Variants in PER3 observed in about 807,000 individuals in gnomAD.
PER3 encodes the protein period circadian protein homolog 3.
A neutral mutation model predicts 127.2 loss-of-function variants in PER3; 107 were observed. The ratio of observed to expected loss-of-function variants is 0.84; its 90% CI spans 0.72 to 0.99. The LOEUF (loss-of-function observed/expected upper bound fraction) is 0.99, where lower values mean the gene tolerates loss of function less well. Among genes scored for constraint, PER3 ranks in the 50% least tolerant of loss-of-function variants. The probability of loss-of-function intolerance (pLI) is 0.00; values close to 1 mark genes in which losing one functional copy is unlikely to be tolerated. For synonymous variants in PER3, 618 were observed against 585.8 expected (o/e 1.05, Z -0.79); for missense variants, 1,560 against 1,525.8 (o/e 1.02, Z -0.37).
chr1:7,829,952 GAT>G lies in PER3; in HGVS notation c.3006_3007del (p.Ser1003AlafsTer79). ...CCTACTGCCAGCGCTCTGTCCACAG[GAT>G]CGCCTCCCATGAAGAATCCATCCCA... On this transcript the variant is annotated frameshift_variant, in exon 19 of 22. Transcript: ENST00000377532. LOFTEE classifies it high-confidence loss of function. 7 of 1,232,622 alleles carry G rather than the reference GAT, an allele frequency of 5.7e-6. No homozygotes were observed. The highest frequency in any genetic ancestry group is 2.5e-5 in the Admixed American group (1 of 40,430). The allele number at this position is 1,232,622 out of a possible 1,614,324, so 76.4% of individuals were successfully genotyped here. A position where few individuals can be genotyped will look rare whatever the true frequency, so the allele number is the denominator to read the frequency against.
At chr1:7,823,027 C>A (rs2097284592) in intron 16 of PER3, among the ~76,000 whole-genome samples, 1 of 152,166 alleles carries the variant, frequency 6.6e-6, no homozygotes, top group Admixed American at 6.5e-5. Flanking sequence ...GAGTTCTGAT[C>A]ACATTACTGT....
intron 19 of PER3, among the ~76,000 whole-genome samples, chr1:7,830,717 T>A (rs2097327713): frequency 6.6e-6 from 1 of 152,208 alleles, no homozygotes; most frequent in Non-Finnish European, 1.5e-5. Context: ...TCCTGCCGTT[T>A]GTTCAAAGGA....
chr1:7,811,999 A>C (rs1354927340), intron 13 of PER3, among the ~76,000 whole-genome samples: 1 of 152,180 alleles, frequency 6.6e-6, no homozygotes, highest in Non-Finnish European at 1.5e-5. Context: ...ATTTATCTTA[A>C]ATACAATTTT....
In PER3 at chr1:7,810,538, C is replaced by G; in HGVS notation, c.1472C>G (p.Thr491Arg). 6.2e-7 allele frequency: 1 copy of G among 1,613,662 alleles called. No individual in the cohort carries two copies. ...ACCAAATCATCATTCAAGCCAGTGA[C>G]GGGGACACGCACAGAACCGAATGGT... ...SMTKSSFKPV[T>R]GTRTEPNGGG... Residue 491 changes from threonine to arginine, a missense_variant, in exon 13 of 22, where the codon ACG (threonine) becomes AGG (arginine). Physicochemically the swap from Thr to Arg is moderately conservative, Grantham distance 71. This residue lies in a region of PER3 where 1,332 missense variants were observed against 1,223.6 expected (regional missense o/e 1.09). Transcript: ENST00000377532.
intron 13 of PER3, among the ~76,000 whole-genome samples, chr1:7,815,830 A>C (rs2097246623): frequency 9.1e-6 from 1 of 110,036 alleles, no homozygotes; most frequent in Middle Eastern, 5.5e-3. Context: ...CTAAAAATAC[A>C]AAAAAAAAAA....
At chr1:7,830,302 T>C (rs187638138) in intron 19 of PER3, 141 bp downstream of exon 19, 1 of 689,918 alleles carries the variant, frequency 1.4e-6, no homozygotes, top group East Asian at 2.7e-5. Flanking sequence ...TTGTCAGGTA[T>C]ATTGGGGTAT....
chr1:7,798,680 C>G lies in PER3; in HGVS notation c.793+7C>G. On this transcript the variant is annotated splice_region_variant and intron_variant, in intron 7 of 21. Transcript: ENST00000377532. ...ATTCACTCTGGTTATGAAGGTAAGT[C>G]AGTAGATAAGATGCAGAAATGTCAG... 1 of 1,609,886 alleles carries G rather than the reference C, an allele frequency of 6.2e-7. No homozygotes were observed.
At chr1:7,825,225 C>T (rs977502582) in intron 16 of PER3, among the ~76,000 whole-genome samples, 3 of 151,888 alleles carry the variant, frequency 2.0e-5, no homozygotes, top group African/African-American at 7.3e-5. Flanking sequence ...TTGGGGGAGC[C>T]CTCTACAGTG....
In PER3 at chr1:7,830,167, G is replaced by A. The variant is rs777250816; in HGVS notation, c.3214+6G>A. On this transcript the variant is annotated splice_donor_region_variant and intron_variant, in intron 19 of 21. Coordinates refer to ENST00000377532, the MANE Select transcript of PER3 (RefSeq NM_001377275.1). ...AACTGGTTCAGCAGCATCAGGTAGT[G>A]GATCAGGACAACTAATGTTTCAAAC... The A allele has an allele frequency of 3.1e-6, 5 of 1,610,476 alleles. No homozygotes were observed. The highest frequency in any genetic ancestry group is 3.3e-5 in the Admixed American group (2 of 59,972).
intron 12 of PER3, 38 bp from the exon 13 acceptor site, chr1:7,810,400 T>A (rs1449426826): frequency 6.8e-7 from 1 of 1,469,118 alleles, no homozygotes; most frequent in South Asian, 1.3e-5. Flanking sequence ...GACATTTTTA[T>A]AATTTTTGAA....
In PER3 at chr1:7,827,637, C is replaced by T. The variant is rs376309319; in HGVS notation, c.2708C>T (p.Pro903Leu). ...ATGAGTCCAACTCTGGACCCACCCC[C>T]TTCAGTCACCAGCCAAAGGAGAGAG... ...SAMSPTLDPP[P>L]SVTSQRREEE... is the part of the protein sequence containing the mutation. Residue 903 changes from proline (P) to leucine (L), a missense_variant, in exon 18 of 22, where the codon CCT becomes CTT. Around this residue, in one of 3 missense-constraint regions of PER3, gnomAD observed 1,332 missense variants for 1,223.6 expected, o/e 1.09. Coordinates refer to ENST00000377532, the MANE Select transcript of PER3 (RefSeq NM_001377275.1). 6.2e-7 allele frequency: 1 copy of T among 1,614,126 alleles called. No individual in the cohort carries two copies. The highest frequency in any genetic ancestry group is 2.2e-5 in the East Asian group (1 of 44,896).
rs35899625 is a variant in PER3, at chr1:7,827,439, T to G, written c.2510T>G (p.Leu837Trp). 761 of 1,614,188 alleles carry G rather than the reference T, an allele frequency of 4.7e-4. 2 individuals are homozygous for G. In the African/African-American group the frequency reaches 9.1e-3, roughly 19 times the overall value. ...TAPEGLHGLP[L>W]SEGLQPYPAF... ...CCGGAAGGCCTGCATGGGCTGCCCT[T>G]GTCCGAGGGCTTGCAGCCTTACCCA... Residue 837 changes from leucine (L) to tryptophan (W), a missense_variant, in exon 18 of 22, where the codon TTG (leucine) becomes TGG (tryptophan). Around this residue, in one of 3 missense-constraint regions of PER3, gnomAD observed 1,332 missense variants for 1,223.6 expected, o/e 1.09. Transcript: ENST00000377532.
chr1:7,825,684 G>C (rs574199545), intron 16 of PER3, among the ~76,000 whole-genome samples: 2 of 152,308 alleles, frequency 1.3e-5, no homozygotes, highest in Admixed American at 1.3e-4. Flanking sequence ...CTGAGGTCAA[G>C]AGTTTGAGAC....
In PER3 at chr1:7,844,175, C is replaced by T. The variant is rs144168650; in HGVS notation, c.*1420C>T. The T allele has an allele frequency of 1.4e-3, 291 of 203,926 alleles. 5 individuals carry two copies. The East Asian group carries it at 0.041, about 29-fold the overall frequency. 12.6% of individuals were successfully genotyped at this position (203,926 alleles called of 1,614,324 possible). On this transcript the variant is annotated 3_prime_UTR_variant, in exon 22 of 22. Coordinates refer to ENST00000377532, the MANE Select transcript of PER3 (RefSeq NM_001377275.1). ...CCTTTTCATCCATGATGACCATCCT[C>T]ATAGCTCAGATCTCCTTTCAAAGTA...
intron 19 of PER3, among the ~76,000 whole-genome samples, chr1:7,830,527 A>C (rs1046104851): frequency 1.3e-5 from 2 of 152,086 alleles, no homozygotes; most frequent in African/African-American, 4.8e-5. Context: ...TTTTCCTATG[A>C]TTTATGTATA....
intron 8 of PER3, among the ~76,000 whole-genome samples, chr1:7,802,245 T>G (rs2097173741): frequency 6.6e-6 from 1 of 151,780 alleles, no homozygotes; most frequent in Non-Finnish European, 1.5e-5. Context: ...TGATATTACC[T>G]TTTGGGTGAC....
intron 13 of PER3, among the ~76,000 whole-genome samples, chr1:7,816,155 C>CT: frequency 6.6e-6 from 1 of 151,804 alleles, no homozygotes; most frequent in East Asian, 1.9e-4. Flanking sequence ...AAGCTTCCTC[C>CT]TTAAAAATAA....
At chr1:7,796,388 G>A (rs534822749) in intron 6 of PER3, among the ~76,000 whole-genome samples, 240 of 142,244 alleles carry the variant, frequency 1.7e-3, no homozygotes, top group African/African-American at 4.7e-3. Flanking sequence ...GCACGATCTC[G>A]GCTCACTGCA....
chr1:7,821,212 TGAAG>T (rs1450645754), intron 16 of PER3, among the ~76,000 whole-genome samples: 8 of 152,254 alleles, frequency 5.3e-5, no homozygotes, highest in African/African-American at 1.9e-4. Flanking sequence ...TTTGGGTAGA[TGAAG>T]GAATGGTGAC....
Sources: gnomAD v4.1 joint callset for allele counts (sites outside exome capture counted in the v4.1 genomes callset) on GRCh38, gnomAD v4.1.1 for gene constraint, gnomAD v4.1.1 regional missense constraint, MANE v1.5 for transcripts, NCBI Gene and HGNC (gene_info 2026-07-23, HGNC 2026-07-21) for gene names.